Variants in JAK2 observed in about 807,000 individuals in gnomAD.
JAK2 encodes Janus kinase 2.
In JAK2, 86 loss-of-function variants were observed where a neutral mutation model predicts 139.3. The observed-to-expected ratio is 0.62, with a 90% CI of 0.52 to 0.74. The LOEUF is 0.74. Ranked by LOEUF, JAK2 falls within the 30% of genes least tolerant of loss-of-function variation. JAK2 has a pLI of 0.00. For missense variants in JAK2, 1,421 were observed against 1,360.3 expected (o/e 1.04, Z -0.70); for synonymous variants, 490 against 437.7 (o/e 1.12, Z -1.49).
At chr9:5,044,242 A>G (rs1005478695) in intron 4 of JAK2, among the ~76,000 whole-genome samples, 161 bp from the exon 5 acceptor site, 23 of 152,226 alleles carry the variant, frequency 1.5e-4, no homozygotes, top group African/African-American at 4.3e-4. Context: ...TATTAGTGTT[A>G]TCCACATATC....
chr9:4,993,405 C>A (rs1820376380), intron 2 of JAK2, among the ~76,000 whole-genome samples: 1 of 152,150 alleles, frequency 6.6e-6, no homozygotes, highest in Non-Finnish European at 1.5e-5. Flanking sequence ...TGAAATTCTA[C>A]TCAAAAAATG....
At chr9:5,124,327 T>C (rs1823837211) in intron 23 of JAK2, among the ~76,000 whole-genome samples, 1 of 151,790 alleles carries the variant, frequency 6.6e-6, no homozygotes, top group African/African-American at 2.4e-5. Context: ...TTTTTTCTAG[T>C]ATTTTTCTAG....
chr9:5,066,077 T>C (rs1274524495), intron 9 of JAK2, among the ~76,000 whole-genome samples: 4 of 152,156 alleles, frequency 2.6e-5, no homozygotes, highest in Admixed American at 6.5e-5. Flanking sequence ...TGTGCAAGCA[T>C]TGGTTTGTAT....
intron 4 of JAK2, among the ~76,000 whole-genome samples, chr9:5,035,354 T>A (rs567779471): frequency 1.3e-4 from 20 of 152,214 alleles, no homozygotes; most frequent in Admixed American, 5.9e-4. Context: ...ATCAATAGAA[T>A]AAGAGGGAAT....
At position 5,019,956 on chromosome 9, in the gene JAK2, C is replaced by T. The variant is rs537413472; in HGVS notation, c.-25-2007C>T. 3.3e-5 allele frequency among the ~76,000 whole-genome samples: 5 copies of T among 152,264 alleles called. No homozygotes were observed. The East Asian group carries it at 9.6e-4, about 29-fold the overall frequency. ...TGGACAACCATGCCTGTACATTAGC[C>T]CCAGGGTGGCTTACATTAGTAATGG... is the stretch of plus-strand genomic sequence containing the variant. On this transcript the variant is annotated intron_variant, in intron 2 of 24. Transcript: ENST00000381652.
chr9:5,051,431 G>T (rs914958626), intron 6 of JAK2, among the ~76,000 whole-genome samples: 3 of 152,122 alleles, frequency 2.0e-5, no homozygotes, highest in African/African-American at 7.2e-5. Context: ...AGACTCACGT[G>T]GGGGAGCCTG....
At chr9:5,000,897 G>C (rs1427335541) in intron 2 of JAK2, among the ~76,000 whole-genome samples, 2 of 152,156 alleles carry the variant, frequency 1.3e-5, no homozygotes, top group East Asian at 3.8e-4. Flanking sequence ...CTCACTGTCA[G>C]GTTCTTTCCT....
intron 8 of JAK2, among the ~76,000 whole-genome samples, chr9:5,060,152 G>T (rs73393478): frequency 6.6e-6 from 1 of 152,230 alleles, no homozygotes; most frequent in African/African-American, 2.4e-5. Flanking sequence ...ACACTTTATT[G>T]CTAAAAAATC....
In JAK2 at chr9:5,126,461, T is replaced by G; in HGVS notation, c.3291+15T>G. On this transcript the variant is annotated intron_variant, in intron 24 of 24. Transcript: ENST00000381652. Reference sequence around the variant, plus strand: ...GCCCAGATGAGGTAACAATTTTTTTTTAATCCAGGGTAGTCATGCATTTTC... The same window carrying G: ...GCCCAGATGAGGTAACAATTTTTTTGTAATCCAGGGTAGTCATGCATTTTC... 6.5e-7 allele frequency: 1 copy of G among 1,530,974 alleles called. No individual in the cohort carries two copies. The highest frequency in any genetic ancestry group is 1.7e-4 in the Middle Eastern group (1 of 5,836). The allele number at this position is 1,530,974 out of a possible 1,614,324, so 94.8% of individuals were successfully genotyped here.
chr9:5,084,479 AG>A lies in JAK2; in HGVS notation c.2571+2621del, dbSNP rs530958788. On this transcript the variant is annotated intron_variant, in intron 19 of 24. Transcript: ENST00000381652. ...GTGGTATGGTGAAAATATTCCAAAG[AG>A]GGATATATATTTAAAATTATTTTCA... 1.3e-4 allele frequency among the ~76,000 whole-genome samples: 20 copies of A among 152,266 alleles called. No homozygotes were observed. In the South Asian group the frequency reaches 3.5e-3, roughly 27 times the overall value.
chr9:5,028,967 C>A (rs529708251), intron 3 of JAK2, among the ~76,000 whole-genome samples: 1 of 152,172 alleles, frequency 6.6e-6, no homozygotes, highest in African/African-American at 2.4e-5. Context: ...TTACTGCAGT[C>A]GCATTTTTAA....
At chr9:4,993,450 T>C (rs1002293945) in intron 2 of JAK2, among the ~76,000 whole-genome samples, 2 of 152,218 alleles carry the variant, frequency 1.3e-5, no homozygotes, top group African/African-American at 4.8e-5. Context: ...CTCTGTTCTC[T>C]CAATTATAAG....
chr9:5,010,874 A>G (rs1821658350), intron 2 of JAK2, among the ~76,000 whole-genome samples: 2 of 152,182 alleles, frequency 1.3e-5, no homozygotes, highest in Non-Finnish European at 2.9e-5. Context: ...TTATAATACA[A>G]CAGATCCAGT....
At chr9:4,986,772 G>A (rs1228102898) in intron 2 of JAK2, among the ~76,000 whole-genome samples, 1 of 152,078 alleles carries the variant, frequency 6.6e-6, no homozygotes. Context: ...AAATTCGTTT[G>A]TTTCATATAG....
intron 22 of JAK2, among the ~76,000 whole-genome samples, chr9:5,122,530 C>T (rs780832561): frequency 3.7e-4 from 56 of 152,014 alleles, no homozygotes; most frequent in Non-Finnish European, 6.3e-4. Context: ...TCTACAGAGA[C>T]AAAAATAAAT....
chr9:5,082,498 G>T (rs1246665849), intron 19 of JAK2, among the ~76,000 whole-genome samples: 3 of 152,238 alleles, frequency 2.0e-5, no homozygotes, highest in Non-Finnish European at 4.4e-5. Context: ...GTATAATTGG[G>T]TTTTATACCG....
rs556595414 is a variant in JAK2, at chr9:5,126,257, T to C, written c.3178-76T>C. The stretch of plus-strand genomic sequence containing the variant: ...CACACATATACTAAATTTTTTCCCA[T>C]TGACTGGAGGAAATTGAGAAAGAAT... On this transcript the variant is annotated intron_variant, in intron 23 of 24. Coordinates refer to ENST00000381652, the MANE Select transcript of JAK2 (RefSeq NM_004972.4). 3.3e-4 allele frequency: 332 copies of C among 1,017,918 alleles called. No individual in the cohort carries two copies. The African/African-American group carries it at 3.9e-3, about 12-fold the overall frequency. The allele number at this position is 1,017,918 out of a possible 1,614,324, so 63.1% of individuals were successfully genotyped here.
In JAK2 at chr9:5,115,229, C is replaced by A. The variant is rs554249155; in HGVS notation, c.3060-7775C>A. Among the ~76,000 whole-genome samples, 3 of 152,192 alleles carry A rather than the reference C, an allele frequency of 2.0e-5. No individual in the cohort carries two copies. In the East Asian group the frequency reaches 5.8e-4, roughly 29 times the overall value. On this transcript the variant is annotated intron_variant, in intron 22 of 24. Coordinates refer to ENST00000381652, the MANE Select transcript of JAK2 (RefSeq NM_004972.4). ...AAACAAGTTCACAAGAAAAAAACAACCCCATCAAAAAGTGGGTAAAGGATA... is the reference window on the plus strand; with the variant it reads ...AAACAAGTTCACAAGAAAAAAACAAACCCATCAAAAAGTGGGTAAAGGATA...
chr9:5,050,763 A>T lies in JAK2; in HGVS notation c.546A>T (p.Ala182=). ...CACAGGAAGAATGTCTTGGGATGGC[A>T]GTGTTAGATATGATGAGAATAGCCA... The part of the protein sequence containing the change: ...HETQEECLGM[A]VLDMMRIAKE... Residue 182 remains alanine, a synonymous_variant, in exon 6 of 25, where the codon GCA becomes GCT. Transcript: ENST00000381652. 1 of 1,613,084 alleles carries T rather than the reference A, an allele frequency of 6.2e-7. No homozygotes were observed. Among genetic ancestry groups the T allele is most frequent in the South Asian group, 1.1e-5 (1 of 91,062 alleles).
Sources: gnomAD v4.1 joint callset for allele counts (sites outside exome capture counted in the v4.1 genomes callset) on GRCh38, gnomAD v4.1.1 for gene constraint, MANE v1.5 for transcripts, NCBI Gene and HGNC (gene_info 2026-07-23, HGNC 2026-07-21) for gene names.